Variants in SARM1 observed in about 807,000 individuals in gnomAD.
SARM1 encodes NAD(+) hydrolase SARM1.
Under a neutral mutation model 65.1 loss-of-function variants are expected in SARM1, and 60 were observed. That is an observed-to-expected ratio of 0.92 (90% confidence interval 0.75 to 1.14). SARM1 has a LOEUF of 1.14. Among genes scored for constraint, SARM1 ranks in the 50% most tolerant of loss-of-function variants. The pLI is 0.00. For synonymous variants in SARM1, 417 were observed against 465.4 expected (o/e 0.90, Z 1.34); for missense variants, 913 against 1,015.7 (o/e 0.90, Z 1.37).
rs1241228899 is a variant in SARM1, at chr17:28,385,853, A to G, written c.1630+578A>G. On this transcript the variant is annotated intron_variant, in intron 5 of 8. Transcript: ENST00000585482. The surrounding 1 kb of genome is among the most constrained non-coding windows in gnomAD (Gnocchi z 4.5). Reference sequence around the variant, plus strand: ...ATTTTTACTTACTAATTTACTACTTAGCTAATCTTTATTGTCAATTACAAG... The same window carrying G: ...ATTTTTACTTACTAATTTACTACTTGGCTAATCTTTATTGTCAATTACAAG... 6.6e-6 allele frequency among the ~76,000 whole-genome samples: 1 copy of G among 152,162 alleles called. No homozygotes were observed. Among genetic ancestry groups the G allele is most frequent in the East Asian group, 1.9e-4 (1 of 5,200 alleles).
In SARM1 at chr17:28,388,182, C is replaced by T; in HGVS notation, c.1639C>T (p.His547Tyr). 1 of 1,549,310 alleles carries T rather than the reference C, an allele frequency of 6.5e-7. No homozygotes were observed. ...CCTATTGCCCACTTCAGAAATGCTA[C>T]ACTCCCCGCTGCCCTGTACTGGTGG... is the stretch of plus-strand genomic sequence containing the variant. Reference protein sequence around the residue: ...RILTAAREMLHSPLPCTGGKP... With the variant: ...RILTAAREMLYSPLPCTGGKP... The change falls in exon 6 of 9, where the codon CAC becomes TAC. Residue 547 changes from histidine (H) to tyrosine (Y), a missense_variant. By Grantham distance (83) the His-to-Tyr change is moderately conservative. This residue lies in a region of SARM1 where 862 missense variants were observed against 952.1 expected (regional missense o/e 0.91). Transcript: ENST00000585482.
intron 1 of SARM1, among the ~76,000 whole-genome samples, chr17:28,374,624 G>A (rs1555584440): frequency 6.6e-6 from 1 of 152,176 alleles, no homozygotes; most frequent in African/African-American, 2.4e-5. Flanking sequence ...GTGACACACT[G>A]CGAATTTATG....
Position 28,372,410 on chromosome 17 carries a change from C to G in SARM1, c.378C>G (p.Leu126=). ...LCDAIRLDGG[L]DLLLRLLQAP... is the part of the protein sequence containing the mutation. ...ACGCCATCCGCCTCGATGGCGGCCT[C>G]GACCTGCTGTTGCGGCTGCTGCAGG... Residue 126 remains leucine (L), a synonymous_variant, in exon 1 of 9, where the codon CTC becomes CTG. Transcript: ENST00000585482. This position sits in a 1 kb window ranked among gnomAD's most constrained non-coding sequence, Gnocchi z 5.2. The G allele has an allele frequency of 6.5e-7, 1 of 1,529,670 alleles. No individual in the cohort carries two copies. The highest frequency in any genetic ancestry group is 8.7e-7 in the Non-Finnish European group (1 of 1,144,750). 94.8% of individuals were successfully genotyped at this position (1,529,670 alleles called of 1,614,324 possible).
In SARM1 at chr17:28,381,572, CAAG is replaced by C; in HGVS notation, c.841_843del (p.Lys281del). ...TCGCAGTAGCGGTGTTGGCGACTAA[CAAG>C]GAGGTGGAGCGCGAGGTGGAGCGCT... On this transcript the variant is annotated inframe_deletion, in exon 2 of 9. Coordinates refer to ENST00000585482, the MANE Select transcript of SARM1 (RefSeq NM_015077.4). The C allele has an allele frequency of 1.9e-6, 3 of 1,592,744 alleles. No homozygotes were observed. The highest frequency in any genetic ancestry group is 2.6e-6 in the Non-Finnish European group (3 of 1,170,876).
At position 28,398,870 on chromosome 17, in the gene SARM1, CA is replaced by C. The variant is rs2068161979; in HGVS notation, c.*2585del. The stretch of plus-strand genomic sequence containing the variant: ...TCCTAGTGGGGCTTGCTCAAGGTTG[CA>C]CAGCGAGTCAGTAGAAGCCCTGGCT... On this transcript the variant is annotated 3_prime_UTR_variant, in exon 9 of 9. Coordinates refer to ENST00000585482, the MANE Select transcript of SARM1 (RefSeq NM_015077.4). 6.6e-6 allele frequency: 1 copy of C among 152,272 alleles called. No individual in the cohort carries two copies. Among genetic ancestry groups the C allele is most frequent in the African/African-American group, 2.4e-5 (1 of 41,448 alleles). The allele number at this position is 152,272 out of a possible 1,614,324, so 9.4% of individuals were successfully genotyped here. A position where few individuals can be genotyped will look rare whatever the true frequency, so the allele number is the denominator to read the frequency against.
At chr17:28,378,380 C>A (rs1555584833) in intron 1 of SARM1, among the ~76,000 whole-genome samples, 2 of 152,224 alleles carry the variant, frequency 1.3e-5, no homozygotes, top group South Asian at 4.1e-4. Context: ...TGAAATGCAA[C>A]TGAAATGCAA....
chr17:28,381,392 C>A lies in SARM1; in HGVS notation c.660C>A (p.Pro220=). 6.4e-7 allele frequency: 1 copy of A among 1,554,490 alleles called. No homozygotes were observed. Among genetic ancestry groups the A allele is most frequent in the East Asian group, 2.4e-5 (1 of 41,496 alleles). Residue 220 remains proline (P), a synonymous_variant, in exon 2 of 9, where the codon CCC becomes CCA. Transcript: ENST00000585482. ...AVLYWCRRTD[P]ALLRHCALAL... ...TGTATTGGTGCCGCCGCACGGACCC[C>A]GCGCTGCTGCGCCACTGCGCGCTGG...
At chr17:28,395,534 G>A (rs1381535094) in intron 7 of SARM1, 3 of 194,576 alleles carry the variant, frequency 1.5e-5, no homozygotes, top group Non-Finnish European at 1.1e-5. Context: ...GGGAGGTGGG[G>A]CTGAAAGTTC....
At chr17:28,378,737 A>G (rs1408917948) in intron 1 of SARM1, among the ~76,000 whole-genome samples, 1 of 152,022 alleles carries the variant, frequency 6.6e-6, no homozygotes, top group Non-Finnish European at 1.5e-5. Flanking sequence ...GACTCGCTGT[A>G]GCCTCAACCT....
chr17:28,392,348 C>G (rs562049522), intron 7 of SARM1, among the ~76,000 whole-genome samples: 1 of 152,102 alleles, frequency 6.6e-6, no homozygotes, highest in Non-Finnish European at 1.5e-5. Context: ...GATCTCCTGA[C>G]CTCGTGATCC....
chr17:28,399,316 G>T lies in SARM1; in HGVS notation c.*3030G>T. The T allele has an allele frequency of 3.6e-6, 1 of 274,434 alleles. No homozygotes were observed. Among genetic ancestry groups the T allele is most frequent in the South Asian group, 6.0e-5 (1 of 16,552 alleles). The allele number at this position is 274,434 out of a possible 1,614,324, so 17.0% of individuals were successfully genotyped here. ...AGATGCCAGCCCTCGTGCTGCCTCT[G>T]GTCCCTGAAGTGTCACCTCTCTCAG... On this transcript the variant is annotated 3_prime_UTR_variant, in exon 9 of 9. Transcript: ENST00000585482.
In SARM1 at chr17:28,402,491, C is replaced by T. The variant is rs917769833; in HGVS notation, c.*6205C>T. The T allele has an allele frequency of 1.6e-5, 9 of 561,240 alleles. No individual in the cohort carries two copies. The highest frequency in any genetic ancestry group is 2.9e-5 in the Non-Finnish European group (9 of 313,166). 34.8% of individuals were successfully genotyped at this position (561,240 alleles called of 1,614,324 possible). On this transcript the variant is annotated 3_prime_UTR_variant, in exon 9 of 9. Coordinates refer to ENST00000585482, the MANE Select transcript of SARM1 (RefSeq NM_015077.4). ...AGTAGTCAAGGAGGAATGGAGACTGCCCTTGTCTGGGCTTGGCCACCTGCT... is the reference window on the plus strand; with the variant it reads ...AGTAGTCAAGGAGGAATGGAGACTGTCCTTGTCTGGGCTTGGCCACCTGCT...
rs557962388 is a variant in SARM1, at chr17:28,400,565, G to C, written c.*4279G>C. On this transcript the variant is annotated 3_prime_UTR_variant, in exon 9 of 9. Coordinates refer to ENST00000585482, the MANE Select transcript of SARM1 (RefSeq NM_015077.4). ...TGGGAGGAGAAGAGGAAACTTTTAA[G>C]AGAAAGGGCTCCATTATGAGCATGG... 2 of 1,606,922 alleles carry C rather than the reference G, an allele frequency of 1.2e-6. No individual in the cohort carries two copies. The highest frequency in any genetic ancestry group is 3.4e-5 in the Admixed American group (2 of 59,352).
At position 28,388,218 on chromosome 17, in the gene SARM1, G is replaced by A; in HGVS notation, c.1675G>A (p.Gly559Arg). 3 of 1,550,756 alleles carry A rather than the reference G, an allele frequency of 1.9e-6. No individual in the cohort carries two copies. Among genetic ancestry groups the A allele is most frequent in the Non-Finnish European group, 2.6e-6 (3 of 1,147,346 alleles). Residue 559 changes from glycine to arginine, a missense_variant, in exon 6 of 9, where the codon GGG (glycine) becomes AGG (arginine). Gly to Arg is a moderately radical substitution (Grantham distance 125). Around this residue, in one of 3 missense-constraint regions of SARM1, gnomAD observed 862 missense variants for 952.1 expected, o/e 0.91. Transcript: ENST00000585482. The stretch of plus-strand genomic sequence containing the variant: ...GCCCTGTACTGGTGGCAAACCCAGT[G>A]GGGACACTCCAGATGTCTTCATCAG... ...PLPCTGGKPS[G>R]DTPDVFISYR...
rs1597819429 is a variant in SARM1 at position 28,384,098 on chromosome 17, C to T, written c.1090-259C>T. On this transcript the variant is annotated intron_variant, in intron 2 of 8. Transcript: ENST00000585482. This position sits in a 1 kb window ranked among gnomAD's most constrained non-coding sequence, Gnocchi z 4.4. ...TGAGAGCTCAACTTTATTCCAGGGC[C>T]GGTGGATGCTGTAGAAGGGATATAA... Among the ~76,000 whole-genome samples, 1 of 152,116 alleles carries T rather than the reference C, an allele frequency of 6.6e-6. No individual in the cohort carries two copies. The highest frequency in any genetic ancestry group is 2.4e-5 in the African/African-American group (1 of 41,416).
At position 28,402,846 on chromosome 17, in the gene SARM1, C is replaced by T. The variant is rs1291328417; in HGVS notation, c.*6560C>T. 1 of 152,832 alleles carries T rather than the reference C, an allele frequency of 6.5e-6. No homozygotes were observed. The highest frequency in any genetic ancestry group is 2.4e-5 in the African/African-American group (1 of 41,444). The allele number at this position is 152,832 out of a possible 1,614,324, so 9.5% of individuals were successfully genotyped here. ...ATAGCCCTGGAACCTGTAAATACTACCTTATTTGGAAAATGAGTCTATGCA... is the reference window on the plus strand; with the variant it reads ...ATAGCCCTGGAACCTGTAAATACTATCTTATTTGGAAAATGAGTCTATGCA... On this transcript the variant is annotated 3_prime_UTR_variant, in exon 9 of 9. Transcript: ENST00000585482.
chr17:28,377,873 A>G (rs1555584782), intron 1 of SARM1, among the ~76,000 whole-genome samples: 1 of 151,850 alleles, frequency 6.6e-6, no homozygotes. Flanking sequence ...AATTTTTGTA[A>G]TTTTAGTAGA....
In SARM1 at chr17:28,381,384, A is replaced by G; in HGVS notation, c.652A>G (p.Thr218Ala). 4 of 1,561,910 alleles carry G rather than the reference A, an allele frequency of 2.6e-6. No homozygotes were observed. Among genetic ancestry groups the G allele is most frequent in the Non-Finnish European group, 3.5e-6 (4 of 1,153,756 alleles). ...CGCGGTGCTGTATTGGTGCCGCCGC[A>G]CGGACCCCGCGCTGCTGCGCCACTG... ...LDAVLYWCRR[T>A]DPALLRHCAL... is the part of the protein sequence containing the mutation. Residue 218 changes from threonine (T) to alanine (A), a missense_variant, in exon 2 of 9, where the codon ACG (threonine) becomes GCG (alanine). Thr to Ala is a moderately conservative substitution (Grantham distance 58). Coordinates refer to ENST00000585482, the MANE Select transcript of SARM1 (RefSeq NM_015077.4).
rs532188705 is a variant in SARM1 at position 28,372,932 on chromosome 17, A to G, written c.470+430A>G. The G allele has an allele frequency of 3.2e-4, 51 of 161,216 alleles. No individual in the cohort carries two copies. The highest frequency in any genetic ancestry group is 5.8e-4 in the Admixed American group (9 of 15,534). The allele number at this position is 161,216 out of a possible 1,614,324, so 10.0% of individuals were successfully genotyped here. ...CCCAATGAGAGAAGAAGGGAAACAC[A>G]ACGCTCAGAAAAGAGGGAGGGAGAC... On this transcript the variant is annotated intron_variant, in intron 1 of 8. Coordinates refer to ENST00000585482, the MANE Select transcript of SARM1 (RefSeq NM_015077.4). This position sits in a 1 kb window ranked among gnomAD's most constrained non-coding sequence, Gnocchi z 5.2.
Sources: gnomAD v4.1 joint callset for allele counts (sites outside exome capture counted in the v4.1 genomes callset) on GRCh38, gnomAD v4.1.1 for gene constraint, gnomAD v4.1.1 regional missense constraint, Gnocchi (gnomAD v3.1) non-coding constraint, MANE v1.5 for transcripts, NCBI Gene and HGNC (gene_info 2026-07-23, HGNC 2026-07-21) for gene names.